FAM193A: variants seen among roughly 807,000 people sequenced by gnomAD.
The protein encoded by FAM193A is family with sequence similarity 193 member A, also known as protein FAM193A.
A neutral mutation model predicts 126.5 loss-of-function variants in FAM193A; 22 were observed. That is an observed-to-expected ratio of 0.17 (90% CI 0.12 to 0.25). The LOEUF (loss-of-function observed/expected upper bound fraction) is 0.25. FAM193A is among the 10% of genes least tolerant of loss of function. The pLI, the probability that FAM193A is intolerant of heterozygous loss-of-function variation, is 1.00. For synonymous variants in FAM193A, 761 were observed against 646.8 expected, an observed-to-expected ratio of 1.18 and a Z score of -2.68; for missense variants, 1,675 against 1,672.8, an observed-to-expected ratio of 1.00 and a Z score of -0.02.
chr4:2,629,227 A>AAC (rs1560496889), intron 4 of FAM193A, among the ~76,000 whole-genome samples: 2 of 152,082 alleles, frequency 1.3e-5, no homozygotes, highest in Non-Finnish European at 2.9e-5. Context: ...GACAAAAAAA[A>AAC]AAAAGAGATC....
intron 1 of FAM193A, among the ~76,000 whole-genome samples, chr4:2,562,429 G>T (rs1262141754): frequency 1.3e-5 from 2 of 152,134 alleles, no homozygotes; most frequent in Non-Finnish European, 2.9e-5. Flanking sequence ...CAGCATGGTG[G>T]CAAAGCGAGA....
chr4:2,719,798 TC>T (rs1719927498), intron 20 of FAM193A, among the ~76,000 whole-genome samples: 1 of 114,124 alleles, frequency 8.8e-6, no homozygotes, highest in Admixed American at 9.0e-5. Flanking sequence ...CTCCCTCCCT[TC>T]CTTCCTTCTG....
chr4:2,675,733 C>T lies in FAM193A; in HGVS notation c.2331+3361C>T, dbSNP rs571733115. ...TACGTTGATAATGTTGTGCAGCCATCATCCGTCTCCATAACTCTTTTCATC... is the reference window on the plus strand; with the variant it reads ...TACGTTGATAATGTTGTGCAGCCATTATCCGTCTCCATAACTCTTTTCATC... On this transcript the variant is annotated intron_variant, in intron 13 of 20. Transcript: ENST00000637812. Among the ~76,000 whole-genome samples, 7 of 152,314 alleles carry T rather than the reference C, an allele frequency of 4.6e-5. No homozygotes were observed. The South Asian group carries it at 1.2e-3, about 27-fold the overall frequency.
intron 1 of FAM193A, among the ~76,000 whole-genome samples, chr4:2,537,498 G>A (rs940400653): frequency 1.3e-5 from 2 of 152,254 alleles, no homozygotes; most frequent in African/African-American, 2.4e-5. Context: ...GACGTCTCCG[G>A]GGTGCAGCTC....
chr4:2,634,187 G>A (rs560349808), intron 5 of FAM193A, among the ~76,000 whole-genome samples: 4 of 152,310 alleles, frequency 2.6e-5, no homozygotes, highest in African/African-American at 7.2e-5. Context: ...TTGGGGTGGA[G>A]ATGCAGGGAG....
intron 7 of FAM193A, 27 bp downstream of exon 7, chr4:2,646,859 C>G: frequency 6.3e-7 from 1 of 1,594,820 alleles, no homozygotes; most frequent in Non-Finnish European, 8.5e-7. Context: ...ACCACCGCAC[C>G]CCGCGCACAT....
chr4:2,569,801 A>G (rs1421974067), intron 1 of FAM193A, among the ~76,000 whole-genome samples: 2 of 152,184 alleles, frequency 1.3e-5, no homozygotes, highest in African/African-American at 4.8e-5. Context: ...CACTGCACCC[A>G]GCTGCTAATT....
rs550708253 is a variant in FAM193A at position 2,672,698 on chromosome 4, G to C, written c.2331+326G>C. ...CACAGGAGACCAGTAATCTACTTGT[G>C]ATCTTCCAGGGCTTGCTCTTCTTCT... On this transcript the variant is annotated intron_variant, in intron 13 of 20. Transcript: ENST00000637812. 1.7e-4 allele frequency among the ~76,000 whole-genome samples: 26 copies of C among 152,330 alleles called. 1 individual carries two copies. The South Asian group carries it at 5.0e-3, about 29-fold the overall frequency.
intron 2 of FAM193A, among the ~76,000 whole-genome samples, chr4:2,597,839 A>G (rs1375596784): frequency 1.3e-5 from 2 of 152,176 alleles, no homozygotes; most frequent in South Asian, 2.1e-4. Context: ...GCATCACCCC[A>G]TAAAATCCCC....
In FAM193A at chr4:2,700,207, G is replaced by A; in HGVS notation, c.4035G>A (p.Lys1345=). The change falls in exon 19 of 21, where the codon AAG becomes AAA. Residue 1345 remains lysine, a synonymous_variant. Transcript: ENST00000637812. ...NGKQKLRQTS[K]ASSEPARRPT... ...AGCAGAAGCTGAGGCAGACCAGCAA[G>A]GCCAGCAGCGAGCCAGCGAGGAGGC... 3 of 1,613,926 alleles carry A rather than the reference G, an allele frequency of 1.9e-6. No individual in the cohort carries two copies. The highest frequency in any genetic ancestry group is 2.5e-6 in the Non-Finnish European group (3 of 1,180,016).
intron 5 of FAM193A, among the ~76,000 whole-genome samples, chr4:2,639,150 C>T (rs376065787): frequency 7.2e-4 from 110 of 152,286 alleles, no homozygotes; most frequent in African/African-American, 2.3e-3. Context: ...TCTCTGCTGA[C>T]ATCACTCTCT....
intron 2 of FAM193A, among the ~76,000 whole-genome samples, chr4:2,605,668 A>T (rs944537178): frequency 1.3e-5 from 2 of 152,290 alleles, no homozygotes; most frequent in South Asian, 4.1e-4. Flanking sequence ...TTTTCCAAAA[A>T]CAAGAATGGT....
chr4:2,683,148 C>T (rs1320541126), intron 13 of FAM193A, among the ~76,000 whole-genome samples: 2 of 152,152 alleles, frequency 1.3e-5, no homozygotes, highest in East Asian at 3.9e-4. Context: ...CACTTTAGAA[C>T]TGTTTAACTT....
intron 19 of FAM193A, among the ~76,000 whole-genome samples, chr4:2,704,678 G>A (rs1718112001): frequency 2.0e-5 from 3 of 152,220 alleles, no homozygotes; most frequent in Admixed American, 2.0e-4. Flanking sequence ...CAGCATCTGA[G>A]TGCCTGTTTG....
intron 19 of FAM193A, among the ~76,000 whole-genome samples, chr4:2,702,894 C>T (rs55641756): frequency 0.39 from 58,596 of 151,642 alleles, 11,911 homozygotes; most frequent in Admixed American, 0.56. Context: ...AGTACAATTA[C>T]GTTATTGATT....
At chr4:2,708,277 A>G (rs954850210) in intron 19 of FAM193A, 5 of 359,304 alleles carry the variant, frequency 1.4e-5, no homozygotes, top group Non-Finnish European at 2.8e-5. Flanking sequence ...AGGCAAGCAA[A>G]ACCATGCCCA....
At chr4:2,617,417 C>T (rs181124031) in intron 2 of FAM193A, among the ~76,000 whole-genome samples, 3 of 148,918 alleles carry the variant, frequency 2.0e-5, no homozygotes, top group African/African-American at 7.5e-5. Context: ...AGGTGCCCAC[C>T]ACCGCACCTG....
chr4:2,596,064 A>ATT lies in FAM193A; in HGVS notation c.256-11_256-10dup. On this transcript the variant is annotated intron_variant, in intron 1 of 20. Transcript: ENST00000637812. The stretch of plus-strand genomic sequence containing the variant: ...TTGTAGATGAGGTTTTGAAAATAGA[A>ATT]TTTTTTTTTTCTATTCCAGACTCCT... 6.1e-6 allele frequency: 4 copies of ATT among 650,772 alleles called. No individual in the cohort carries two copies. Among genetic ancestry groups the ATT allele is most frequent in the South Asian group, 1.6e-5 (1 of 61,108 alleles). The allele number at this position is 650,772 out of a possible 1,614,324, so 40.3% of individuals were successfully genotyped here.
At position 2,696,580 on chromosome 4, in the gene FAM193A, A is replaced by T. The variant is rs766559349; in HGVS notation, c.3494A>T (p.His1165Leu). ...SSTRAAKRAR[H>L]KQRKLEEKAR... ...ACGCGTGCAGCGAAGCGAGCAAGGC[A>T]TAAGCAAAGGAAGGCAAGTGACAGT... Residue 1165 changes from histidine to leucine, a missense_variant, in exon 18 of 21, where the codon CAT (histidine) becomes CTT (leucine). His to Leu is a moderately conservative substitution (Grantham distance 99). Around this residue, in one of 4 missense-constraint regions of FAM193A, gnomAD observed 415 missense variants for 396.7 expected, o/e 1.05. Coordinates refer to ENST00000637812, the MANE Select transcript of FAM193A (RefSeq NM_001366318.2). 1 of 1,614,078 alleles carries T rather than the reference A, an allele frequency of 6.2e-7. No individual in the cohort carries two copies. Among genetic ancestry groups the T allele is most frequent in the Non-Finnish European group, 8.5e-7 (1 of 1,179,902 alleles).
Sources: allele counts gnomAD v4.1 joint callset (sites outside exome capture counted in the v4.1 genomes callset), GRCh38; gene constraint gnomAD v4.1.1; regional missense constraint gnomAD v4.1.1; transcripts MANE v1.5; gene names NCBI Gene and HGNC (gene_info 2026-07-23, HGNC 2026-07-21).